NARF: variants seen among roughly 807,000 people sequenced by gnomAD.
NARF encodes the protein nuclear prelamin A recognition factor.
NARF carries 41 observed loss-of-function variants against 48.0 expected under a neutral mutation model. The observed-to-expected ratio is 0.85, with a 90% CI of 0.66 to 1.11. NARF has a LOEUF of 1.11. Among genes scored for constraint, NARF ranks in the 50% least tolerant of loss-of-function variants. The probability of loss-of-function intolerance (pLI) is 0.00; values close to 1 mark genes in which losing one functional copy is unlikely to be tolerated. For missense variants in NARF, 613 were observed against 590.2 expected, an observed-to-expected ratio of 1.04 and a Z score of -0.40; for synonymous variants, 215 against 225.5, an observed-to-expected ratio of 0.95 and a Z score of 0.42.
At chr17:82,465,223 G>GC (rs1164326419) in intron 3 of NARF, among the ~76,000 whole-genome samples, 1 of 152,128 alleles carries the variant, frequency 6.6e-6, no homozygotes, top group African/African-American at 2.4e-5. Flanking sequence ...TGGGAGATCC[G>GC]CCCCCATGAC....
chr17:82,478,976 G>T, intron 6 of NARF, 58 bp downstream of exon 6: 1 of 1,507,878 alleles, frequency 6.6e-7, no homozygotes, highest in Admixed American at 1.8e-5. Context: ...ATGGCACAGG[G>T]GCCCAGGAAG....
chr17:82,475,020 G>A (rs2043802684), intron 5 of NARF, among the ~76,000 whole-genome samples: 3 of 152,170 alleles, frequency 2.0e-5, no homozygotes, highest in Admixed American at 2.0e-4. Flanking sequence ...GGCATTTTGG[G>A]TGTGTTTCCA....
At chr17:82,479,638 C>T (rs549824530) in intron 6 of NARF, among the ~76,000 whole-genome samples, 6 of 152,344 alleles carry the variant, frequency 3.9e-5, no homozygotes, top group South Asian at 4.1e-4. Context: ...CTTTACACCT[C>T]CCTCCGGGGA....
chr17:82,466,441 A>T (rs1362557064), intron 3 of NARF, among the ~76,000 whole-genome samples: 1 of 152,024 alleles, frequency 6.6e-6, no homozygotes. Flanking sequence ...TGCGATGTGA[A>T]TACATTCTTC....
chr17:82,460,156 C>T (rs1599811534), intron 2 of NARF, 84 bp downstream of exon 2: 2 of 1,188,758 alleles, frequency 1.7e-6, no homozygotes, highest in Non-Finnish European at 2.5e-6. Context: ...GCACCGTGCA[C>T]ATCACTGCTT....
chr17:82,468,640 G>T, intron 3 of NARF, 124 bp from the exon 4 acceptor site: 7 of 887,726 alleles, frequency 7.9e-6, no homozygotes, highest in Admixed American at 5.7e-5. Context: ...GCCAGTGTTT[G>T]TCTATTTTAT....
In NARF at chr17:82,474,191, C is replaced by A. The variant is rs75039647; in HGVS notation, c.520+1493C>A. Among the ~76,000 whole-genome samples the A allele has an allele frequency of 6.0e-3, 920 of 152,232 alleles. 23 individuals carry two copies. The highest frequency in any genetic ancestry group is 0.04 in the Admixed American group (614 of 15,262). The stretch of plus-strand genomic sequence containing the variant: ...CTGAGGTCCTGTCTCTTAAGAAAAT[C>A]CGTTTTCTCTTGAAAGTACAACATA... On this transcript the variant is annotated intron_variant, in intron 5 of 10. Transcript: ENST00000309794.
chr17:82,470,290 C>T (rs545611840), intron 4 of NARF, among the ~76,000 whole-genome samples: 6 of 152,128 alleles, frequency 3.9e-5, no homozygotes, highest in Admixed American at 2.0e-4. Flanking sequence ...CACGTTAGGT[C>T]GCTCCTTCAT....
chr17:82,458,299 T>C (rs2043334500), upstream of NARF: 1 of 153,116 alleles, frequency 6.5e-6, no homozygotes, highest in African/African-American at 2.4e-5. Context: ...AACGCCGAGC[T>C]GGCTGACAGA....
In NARF at chr17:82,472,549, T is replaced by G; in HGVS notation, c.386-15T>G. On this transcript the variant is annotated splice_polypyrimidine_tract_variant and intron_variant, in intron 4 of 10. Coordinates refer to ENST00000309794, the MANE Select transcript of NARF (RefSeq NM_012336.4). ...AGTACGTGATTTAAGCTGAATATGC[T>G]CCTCTCTCCTGCAGGGGTGCACTAT... 6.3e-7 allele frequency: 1 copy of G among 1,594,496 alleles called. No individual in the cohort carries two copies. The highest frequency in any genetic ancestry group is 8.5e-7 in the Non-Finnish European group (1 of 1,170,956).
At chr17:82,460,177 T>G (rs759782982) in intron 2 of NARF, 105 bp downstream of exon 2, 14 of 974,918 alleles carry the variant, frequency 1.4e-5, no homozygotes, top group Non-Finnish European at 2.2e-5. Context: ...TAAAGAAGAC[T>G]GAAGTACGCG....
intron 3 of NARF, 104 bp from the exon 4 acceptor site, chr17:82,468,660 C>T (rs1212543677): frequency 1.8e-6 from 2 of 1,108,282 alleles, no homozygotes; most frequent in Non-Finnish European, 2.6e-6. Context: ...TTAGTCTTTG[C>T]ATAGACCATC....
intron 5 of NARF, chr17:82,478,034 C>G (rs1474780421): frequency 1.3e-5 from 2 of 153,158 alleles, no homozygotes; most frequent in African/African-American, 2.4e-5. Flanking sequence ...GCGTGGCTCT[C>G]ATGTACACAG....
intron 2 of NARF, chr17:82,463,778 T>C (rs1196189248): frequency 6.5e-6 from 1 of 155,006 alleles, no homozygotes; most frequent in Non-Finnish European, 1.4e-5. Flanking sequence ...GATAAGCATC[T>C]TGTTACATGT....
At chr17:82,458,300 G>C (rs2043334576), upstream of NARF, 1 of 153,300 alleles carries the variant, frequency 6.5e-6, no homozygotes, top group Admixed American at 6.5e-5. Flanking sequence ...ACGCCGAGCT[G>C]GCTGACAGAG....
Position 82,472,608 on chromosome 17 carries a change from A to G in NARF, c.430A>G (p.Ile144Val), listed in dbSNP as rs2143882941. 1 of 1,613,724 alleles carries G rather than the reference A, an allele frequency of 6.2e-7. No individual in the cohort carries two copies. The highest frequency in any genetic ancestry group is 8.5e-7 in the Non-Finnish European group (1 of 1,179,864). Reference sequence around the variant, plus strand: ...TACGACGATAGCTGCGGATTTTAGTATCCTGGAGAGTCAAAAAGAATTCGT... The same window carrying G: ...TACGACGATAGCTGCGGATTTTAGTGTCCTGGAGAGTCAAAAAGAATTCGT... Reference protein sequence around the residue: ...FDTTIAADFSILESQKEFVRR... With the variant: ...FDTTIAADFSVLESQKEFVRR... Residue 144 changes from isoleucine (I) to valine (V), a missense_variant, in exon 5 of 11, where the codon ATC becomes GTC. By Grantham distance (29) the Ile-to-Val change is conservative. Coordinates refer to ENST00000309794, the MANE Select transcript of NARF (RefSeq NM_012336.4).
chr17:82,485,329 G>C (rs1245649550), intron 9 of NARF, among the ~76,000 whole-genome samples, 168 bp from the exon 10 acceptor site: 3 of 152,066 alleles, frequency 2.0e-5, no homozygotes, highest in African/African-American at 7.2e-5. Flanking sequence ...GCTGAGGCAG[G>C]AGAATGGCGT....
chr17:82,477,998 A>T (rs1351612339), intron 5 of NARF: 1 of 152,300 alleles, frequency 6.6e-6, no homozygotes, highest in Non-Finnish European at 1.5e-5. Context: ...CAAGGTATCT[A>T]CCCAGCCCCT....
chr17:82,466,450 TCTTC>T (rs1468940808), intron 3 of NARF, among the ~76,000 whole-genome samples: 1 of 152,156 alleles, frequency 6.6e-6, no homozygotes, highest in Non-Finnish European at 1.5e-5. Context: ...AATACATTCT[TCTTC>T]CTTTTTTTTC....
Sources: gnomAD v4.1 joint callset for allele counts (sites outside exome capture counted in the v4.1 genomes callset) on GRCh38, gnomAD v4.1.1 for gene constraint, MANE v1.5 for transcripts, NCBI Gene and HGNC (gene_info 2026-07-23, HGNC 2026-07-21) for gene names.